SAP130: variants seen among roughly 807,000 people sequenced by gnomAD.
SAP130 encodes the protein histone deacetylase complex subunit SAP130.
A neutral mutation model predicts 103.2 loss-of-function variants in SAP130; 16 were observed. That is an observed-to-expected ratio of 0.16 (90% confidence interval 0.10 to 0.24). The LOEUF (loss-of-function observed/expected upper bound fraction) is 0.24. Ranked by LOEUF, SAP130 falls within the 10% of genes least tolerant of loss-of-function variation. The pLI, the probability that SAP130 is intolerant of heterozygous loss-of-function variation, is 1.00. For missense variants in SAP130, 990 were observed against 1,359.7 expected, an observed-to-expected ratio of 0.73 and a Z score of 4.28; for synonymous variants, 477 against 497.0, an observed-to-expected ratio of 0.96 and a Z score of 0.53.
intron 14 of SAP130, among the ~76,000 whole-genome samples, chr2:127,981,949 A>G (rs1293448929): frequency 6.6e-6 from 1 of 152,220 alleles, no homozygotes; most frequent in African/African-American, 2.4e-5. Context: ...AAGCAGCTCA[A>G]TAAAGCTTGC....
intron 12 of SAP130, among the ~76,000 whole-genome samples, chr2:127,990,787 A>T (rs904078325): frequency 6.6e-6 from 1 of 152,040 alleles, no homozygotes; most frequent in Non-Finnish European, 1.5e-5. Context: ...TAAAAAATTA[A>T]AGAATTAGCT....
intron 18 of SAP130, among the ~76,000 whole-genome samples, chr2:127,946,575 C>A (rs1426171193): frequency 1.3e-5 from 2 of 151,918 alleles, no homozygotes; most frequent in African/African-American, 4.8e-5. Flanking sequence ...GTACCTGTGA[C>A]TATAACTATA....
chr2:127,975,416 A>G (rs1681389409), intron 15 of SAP130, among the ~76,000 whole-genome samples: 1 of 152,236 alleles, frequency 6.6e-6, no homozygotes, highest in South Asian at 2.1e-4. Context: ...AGACTTGTAA[A>G]AAGCTGTATG....
chr2:127,995,442 T>C (rs1304257332), intron 11 of SAP130, among the ~76,000 whole-genome samples: 1 of 152,092 alleles, frequency 6.6e-6, no homozygotes, highest in Non-Finnish European at 1.5e-5. Context: ...ATGACAGCAA[T>C]GGATTCTAAT....
intron 18 of SAP130, among the ~76,000 whole-genome samples, chr2:127,946,729 A>G (rs1679102095): frequency 6.6e-6 from 1 of 151,312 alleles, no homozygotes; most frequent in African/African-American, 2.4e-5. Context: ...CTAAAAATAC[A>G]AAAAATTAGC....
Position 128,007,137 on chromosome 2 carries a change from A to G in SAP130, c.869+3132T>C, listed in dbSNP as rs188800533. Among the ~76,000 whole-genome samples, 5 of 152,378 alleles carry G rather than the reference A, an allele frequency of 3.3e-5. No individual in the cohort carries two copies. In the East Asian group the frequency reaches 9.6e-4, roughly 29 times the overall value. On this transcript the variant is annotated intron_variant, in intron 7 of 20. Transcript: ENST00000643581. ...AAAGCCTACCCCTAGTTTTCATCAT[A>G]CAGTTGGCCCTCAGTTTCATAGGTG...
In SAP130 at chr2:127,971,249, G is replaced by A. The variant is rs116434569; in HGVS notation, c.2063+6736C>T. ...ATTATAGGCATGAACCACAACACAC[G>A]ACTATCTTTCTTTGTATTTTATCCA... On this transcript the variant is annotated intron_variant, in intron 15 of 20. Transcript: ENST00000643581. Among the ~76,000 whole-genome samples the A allele has an allele frequency of 1.1e-3, 172 of 150,970 alleles. 1 individual carries two copies. The highest frequency in any genetic ancestry group is 6.3e-3 in the South Asian group (30 of 4,772).
Position 127,955,165 on chromosome 2 carries a change from A to G in SAP130, c.2243T>C (p.Val748Ala), listed in dbSNP as rs767586826. Residue 748 changes from valine to alanine, a missense_variant, in exon 16 of 21, where the codon GTT becomes GCT. Val to Ala is a moderately conservative substitution (Grantham distance 64). Coordinates refer to ENST00000643581, the MANE Select transcript of SAP130 (RefSeq NM_001330301.2). The surrounding 1 kb of genome is among the most constrained non-coding windows in gnomAD (Gnocchi z 4.9). ...AAASPPSQPA[V>A]ALSTIPGAVP... ...CGCTCCAGGAATGGTTGAAAGGGCA[A>G]CGGCTGGTTGTGACGGGGGACTGGC... 4.3e-6 allele frequency: 7 copies of G among 1,614,106 alleles called. No homozygotes were observed. Among genetic ancestry groups the G allele is most frequent in the East Asian group, 2.2e-5 (1 of 44,872 alleles).
chr2:127,947,754 T>TG (rs1553500350), intron 18 of SAP130, among the ~76,000 whole-genome samples: 2 of 28,640 alleles, frequency 7.0e-5, no homozygotes, highest in South Asian at 9.5e-4. Flanking sequence ...TAATTTTGTA[T>TG]TGTGTGTGTC....
At chr2:128,013,828 G>A (rs1684569407) in intron 5 of SAP130, among the ~76,000 whole-genome samples, 1 of 152,198 alleles carries the variant, frequency 6.6e-6, no homozygotes, top group African/African-American at 2.4e-5. Context: ...CACTCAGGAG[G>A]CTAAAGTGGG....
chr2:128,027,047 G>A, intron 1 of SAP130: 1 of 1,382,756 alleles, frequency 7.2e-7, no homozygotes, highest in Non-Finnish European at 9.5e-7. Context: ...GTGCGGACGG[G>A]CGATCTGGGG....
chr2:127,954,716 T>C (rs1170193297), intron 16 of SAP130, among the ~76,000 whole-genome samples: 1 of 152,208 alleles, frequency 6.6e-6, no homozygotes, highest in African/African-American at 2.4e-5. Context: ...AAGGAAACTA[T>C]GTTGAAGGAT....
chr2:127,946,260 G>T (rs144000958), intron 18 of SAP130, among the ~76,000 whole-genome samples: 2 of 152,280 alleles, frequency 1.3e-5, no homozygotes, highest in Non-Finnish European at 2.9e-5. Context: ...AACAGTGGAG[G>T]CTGTGGCAAA....
chr2:128,023,677 G>A (rs1559110834), intron 2 of SAP130, among the ~76,000 whole-genome samples: 1 of 152,264 alleles, frequency 6.6e-6, no homozygotes, highest in East Asian at 1.9e-4. Flanking sequence ...CTACTCAGGA[G>A]GCTGAGGCAG....
At chr2:127,979,041 T>A (rs1331678061) in intron 14 of SAP130, among the ~76,000 whole-genome samples, 2 of 152,164 alleles carry the variant, frequency 1.3e-5, no homozygotes, top group Non-Finnish European at 2.9e-5. Context: ...TAATTAAGGA[T>A]CTCAAGATAA....
At chr2:127,995,313 G>C (rs1465373449) in intron 11 of SAP130, among the ~76,000 whole-genome samples, 1 of 152,180 alleles carries the variant, frequency 6.6e-6, no homozygotes, top group African/African-American at 2.4e-5. Context: ...TAGGAATCTA[G>C]AATATCTCGT....
At chr2:127,979,049 T>A (rs752534118) in intron 14 of SAP130, among the ~76,000 whole-genome samples, 2 of 152,202 alleles carry the variant, frequency 1.3e-5, no homozygotes, top group African/African-American at 4.8e-5. Flanking sequence ...GATCTCAAGA[T>A]AAGAGATTCT....
chr2:127,968,029 G>A (rs1680784251), intron 15 of SAP130, among the ~76,000 whole-genome samples: 1 of 151,932 alleles, frequency 6.6e-6, no homozygotes, highest in South Asian at 2.1e-4. Flanking sequence ...TCTTCCCTGA[G>A]TCAGGTAACG....
Position 127,999,886 on chromosome 2 carries a change from C to T in SAP130, c.1109-41G>A, listed in dbSNP as rs1362140465. 2.1e-6 allele frequency: 3 copies of T among 1,458,296 alleles called. No homozygotes were observed. In the South Asian group the frequency reaches 4.0e-5, roughly 19 times the overall value. The allele number at this position is 1,458,296 out of a possible 1,614,324, so 90.3% of individuals were successfully genotyped here. A position where few individuals can be genotyped will look rare whatever the true frequency, so the allele number is the denominator to read the frequency against. On this transcript the variant is annotated intron_variant, in intron 9 of 20. Coordinates refer to ENST00000643581, the MANE Select transcript of SAP130 (RefSeq NM_001330301.2). ...AAAGGAAATTCTTTAACAAGAACTT[C>T]TCTGCACACGTTACAGATTCTCAAA...
Sources: gnomAD v4.1 joint callset for allele counts (sites outside exome capture counted in the v4.1 genomes callset) on GRCh38, gnomAD v4.1.1 for gene constraint, Gnocchi (gnomAD v3.1) non-coding constraint, MANE v1.5 for transcripts, NCBI Gene and HGNC (gene_info 2026-07-23, HGNC 2026-07-21) for gene names.